The following RTL4 variants were observed in gnomAD, a reference collection of about 807,000 sequenced individuals.
RTL4 encodes retrotransposon Gag-like protein 4.
Under a neutral mutation model 5.3 loss-of-function variants are expected in RTL4, and 4 were observed. The observed-to-expected ratio is 0.75, with a 90% confidence interval of 0.37 to 1.72. The LOEUF is 1.72. Ranked by LOEUF, RTL4 falls within the 40% of genes most tolerant of loss-of-function variation. RTL4 has a pLI of 0.04. For missense variants in RTL4, 260 were observed against 227.1 expected (o/e 1.14, Z -0.93); for synonymous variants, 98 against 87.3 (o/e 1.12, Z -0.68).
At chrX:112,418,113 A>T in the RTL4 span, among the ~76,000 whole-genome samples, 1 of 111,817 alleles carries the variant, frequency 8.9e-6, no homozygotes. Context: ...TCACCATTAC[A>T]GTCCAGCCTG....
At chrX:112,361,402 C>T in the RTL4 span, among the ~76,000 whole-genome samples, 1 of 111,252 alleles carries the variant, frequency 9.0e-6, no homozygotes, top group East Asian at 2.8e-4. Context: ...ATCTTACCCA[C>T]GGGGATAGAT....
At chrX:112,266,879 A>G in the RTL4 span, among the ~76,000 whole-genome samples, 6 of 111,100 alleles carry the variant, frequency 5.4e-5, no homozygotes, top group Non-Finnish European at 9.4e-5. Context: ...CTACCCATCT[A>G]CCTGTGAATG....
the RTL4 span, among the ~76,000 whole-genome samples, chrX:112,087,330 T>A: frequency 2.2e-4 from 19 of 85,191 alleles, no homozygotes; most frequent in African/African-American, 9.5e-4. Context: ...GGTCTTCAGC[T>A]TTTTTTTTTT....
the RTL4 span, among the ~76,000 whole-genome samples, chrX:112,165,745 A>C: frequency 8.9e-6 from 1 of 111,870 alleles, no homozygotes; most frequent in Non-Finnish European, 1.9e-5. Context: ...ACTGTGAATG[A>C]GGAGTCACTG....
At chrX:112,088,170 C>T in the RTL4 span, among the ~76,000 whole-genome samples, 6 of 109,344 alleles carry the variant, frequency 5.5e-5, no homozygotes, top group African/African-American at 2.0e-4. Context: ...TTTCATCATA[C>T]CAAAAGAAGA....
chrX:112,165,085 C>T, the RTL4 span, among the ~76,000 whole-genome samples: 3 of 111,626 alleles, frequency 2.7e-5, no homozygotes, highest in Non-Finnish European at 3.8e-5. Context: ...CAATCAAATC[C>T]TATTGCACTC....
At chrX:112,363,728 T>A in the RTL4 span, among the ~76,000 whole-genome samples, 1 of 111,272 alleles carries the variant, frequency 9.0e-6, no homozygotes, top group Non-Finnish European at 1.9e-5. Flanking sequence ...AAAAGCTCAT[T>A]ATTTGAAGCA....
At chrX:112,246,592 G>A in the RTL4 span, among the ~76,000 whole-genome samples, 1 of 111,795 alleles carries the variant, frequency 8.9e-6, no homozygotes, top group Non-Finnish European at 1.9e-5. Context: ...GTATTTAGAT[G>A]TCAGTGTCCC....
chrX:112,454,761 G>T, exon 1 of RTL4: 1 of 1,197,273 alleles, frequency 8.4e-7, no homozygotes, highest in Non-Finnish European at 1.1e-6. Flanking sequence ...CATCTACCAT[G>T]CAGGTAGAGC....
chrX:112,362,152 T>C, the RTL4 span, among the ~76,000 whole-genome samples: 1 of 112,310 alleles, frequency 8.9e-6, no homozygotes, highest in African/African-American at 3.2e-5. Context: ...TTCTGTAATG[T>C]CCTCAGCAAA....
chrX:112,111,624 C>T, the RTL4 span, among the ~76,000 whole-genome samples: 2 of 112,515 alleles, frequency 1.8e-5, no homozygotes, highest in African/African-American at 6.5e-5. Flanking sequence ...TTCTTTTTCC[C>T]TTTCCCAGTT....
At chrX:112,194,534 A>C in the RTL4 span, among the ~76,000 whole-genome samples, 1 of 111,928 alleles carries the variant, frequency 8.9e-6, no homozygotes, top group Non-Finnish European at 1.9e-5. Context: ...CTATGAGAGA[A>C]TTAATTTCTG....
chrX:112,084,129 C>G, the RTL4 span, among the ~76,000 whole-genome samples: 1 of 111,076 alleles, frequency 9.0e-6, no homozygotes, highest in African/African-American at 3.3e-5. Flanking sequence ...CCGAAAATGC[C>G]AGAATCATCT....
chrX:112,336,492 T>C, the RTL4 span, among the ~76,000 whole-genome samples: 2 of 112,397 alleles, frequency 1.8e-5, no homozygotes, highest in African/African-American at 3.2e-5. Flanking sequence ...TTGCCAGTTA[T>C]GCTTTTTCAT....
chrX:112,426,568 T>G, the RTL4 span, among the ~76,000 whole-genome samples: 85 of 111,590 alleles, frequency 7.6e-4, no homozygotes, highest in African/African-American at 2.6e-3. Context: ...AGTTCTGTAG[T>G]GCTTCTATAA....
chrX:112,264,362 G>A, the RTL4 span, among the ~76,000 whole-genome samples: 1 of 111,082 alleles, frequency 9.0e-6, no homozygotes, highest in African/African-American at 3.3e-5. Flanking sequence ...TCTCTAAACA[G>A]CTCCACACAC....
the RTL4 span, among the ~76,000 whole-genome samples, chrX:112,419,757 C>T: frequency 4.7e-5 from 5 of 105,298 alleles, no homozygotes; most frequent in African/African-American, 1.7e-4. Context: ...GGTTTTTGAC[C>T]CATTGTCTTT....
the RTL4 span, among the ~76,000 whole-genome samples, chrX:112,373,276 C>T: frequency 8.1e-5 from 9 of 111,477 alleles, no homozygotes; most frequent in East Asian, 2.3e-3. Context: ...TATGAGAGCA[C>T]CATGAACACT....
At chrX:112,452,651 A>T (rs1376347749), upstream of RTL4, among the ~76,000 whole-genome samples, 3 of 111,875 alleles carry the variant, frequency 2.7e-5, no homozygotes, top group African/African-American at 6.5e-5. Context: ...TACATTGGAA[A>T]TATTTTGGAA....
Sources: allele counts gnomAD v4.1 joint callset (sites outside exome capture counted in the v4.1 genomes callset), GRCh38; gene constraint gnomAD v4.1.1; transcripts MANE v1.5; gene names NCBI Gene and HGNC (gene_info 2026-07-23, HGNC 2026-07-21).